The following FER variants were observed in gnomAD, a reference collection of about 807,000 sequenced individuals.
The protein encoded by FER is FER tyrosine kinase.
A neutral mutation model predicts 111.0 loss-of-function variants in FER; 63 were observed. That is an observed-to-expected ratio of 0.57 (90% confidence interval 0.46 to 0.70). The LOEUF (loss-of-function observed/expected upper bound fraction) is 0.70, where lower values mean the gene tolerates loss of function less well. Among genes scored for constraint, FER ranks in the 30% least tolerant of loss-of-function variants. The pLI, the probability that FER is intolerant of heterozygous loss-of-function variation, is 0.00. For synonymous variants in FER, 327 were observed against 313.9 expected, an observed-to-expected ratio of 1.04 and a Z score of -0.44; for missense variants, 914 against 954.0, an observed-to-expected ratio of 0.96 and a Z score of 0.55.
chr5:108,750,058 A>G (rs1285563258), intron 1 of FER, among the ~76,000 whole-genome samples: 1 of 152,194 alleles, frequency 6.6e-6, no homozygotes, highest in Non-Finnish European at 1.5e-5. Context: ...GCGTATATTA[A>G]TGGTTGTCTC....
chr5:108,787,941 G>A (rs1176804382), intron 2 of FER, among the ~76,000 whole-genome samples: 1 of 152,192 alleles, frequency 6.6e-6, no homozygotes, highest in African/African-American at 2.4e-5. Context: ...TGTGGGACAA[G>A]TGCTTGGGAC....
intron 3 of FER, among the ~76,000 whole-genome samples, chr5:108,829,835 CATT>C (rs1341426123): frequency 2.6e-5 from 4 of 151,904 alleles, no homozygotes; most frequent in Non-Finnish European, 5.9e-5. Flanking sequence ...ATTGAGGAGA[CATT>C]ATAAAAAACC....
chr5:109,157,117 C>G (rs1582300295), intron 17 of FER, among the ~76,000 whole-genome samples: 1 of 152,110 alleles, frequency 6.6e-6, no homozygotes, highest in African/African-American at 2.4e-5. Flanking sequence ...ATGCTTGTTA[C>G]ATCATGATGA....
chr5:108,995,127 G>A (rs1763821320), intron 13 of FER, among the ~76,000 whole-genome samples: 1 of 152,028 alleles, frequency 6.6e-6, no homozygotes, highest in Non-Finnish European at 1.5e-5. Flanking sequence ...GATTGCCCTG[G>A]CCAGAACTTC....
intron 8 of FER, among the ~76,000 whole-genome samples, chr5:108,883,115 T>C (rs1481478090): frequency 1.3e-5 from 2 of 152,006 alleles, no homozygotes; most frequent in African/African-American, 4.8e-5. Flanking sequence ...TTTTTCTTTT[T>C]GGTGAATAAG....
intron 10 of FER, chr5:108,924,485 G>C (rs1027206586): frequency 1.3e-4 from 86 of 643,604 alleles, no homozygotes; most frequent in Non-Finnish European, 1.7e-4. Flanking sequence ...GGCTGTATCT[G>C]TTCCTTTAAT....
At chr5:108,757,786 TAAAC>T (rs1291798258) in intron 1 of FER, among the ~76,000 whole-genome samples, 2 of 152,202 alleles carry the variant, frequency 1.3e-5, no homozygotes, top group East Asian at 3.8e-4. Context: ...AATGTTAACA[TAAAC>T]AACAGTGTCC....
intron 9 of FER, among the ~76,000 whole-genome samples, chr5:108,892,102 T>A (rs1489994199): frequency 6.6e-6 from 1 of 152,164 alleles, no homozygotes; most frequent in East Asian, 1.9e-4. Flanking sequence ...TCTTTGCTAT[T>A]GTGAATAGTG....
chr5:109,159,822 A>G (rs531181366), intron 17 of FER, among the ~76,000 whole-genome samples: 130 of 152,340 alleles, frequency 8.5e-4, no homozygotes, highest in African/African-American at 2.8e-3. Context: ...CAGGCCTCTC[A>G]TAGAGGCTCT....
chr5:108,895,139 A>T (rs1025923968), intron 9 of FER, among the ~76,000 whole-genome samples: 14 of 152,200 alleles, frequency 9.2e-5, no homozygotes, highest in African/African-American at 3.1e-4. Context: ...AAGCATAGAG[A>T]TTGGAAACAT....
chr5:108,996,264 A>G (rs867825783), intron 13 of FER, among the ~76,000 whole-genome samples: 1 of 152,050 alleles, frequency 6.6e-6, no homozygotes, highest in South Asian at 2.1e-4. Flanking sequence ...TCTCTAGTTT[A>G]ATTTGATCCC....
intron 2 of FER, chr5:108,785,218 C>T: frequency 1.7e-6 from 1 of 604,428 alleles, no homozygotes; most frequent in South Asian, 1.8e-5. Context: ...CAAATGGATC[C>T]CTCTGTGCAT....
intron 13 of FER, among the ~76,000 whole-genome samples, chr5:109,021,483 A>G (rs1767918923): frequency 6.6e-6 from 1 of 152,030 alleles, no homozygotes. Flanking sequence ...TTCTAACAAC[A>G]TTTGCTAGAG....
intron 16 of FER, among the ~76,000 whole-genome samples, chr5:109,082,317 A>G (rs371192106): frequency 2.0e-5 from 3 of 151,968 alleles, no homozygotes; most frequent in East Asian, 1.9e-4. Flanking sequence ...TTTGTGGAAG[A>G]TCTGTTCCTC....
chr5:108,971,706 CT>C (rs1168689046), intron 13 of FER, among the ~76,000 whole-genome samples: 2 of 152,070 alleles, frequency 1.3e-5, no homozygotes, highest in African/African-American at 4.8e-5. Context: ...CATTTTCCCC[CT>C]ATTTTCAATT....
intron 1 of FER, among the ~76,000 whole-genome samples, chr5:108,758,367 A>T (rs571015234): frequency 1.3e-5 from 2 of 152,356 alleles, no homozygotes; most frequent in African/African-American, 2.4e-5. Flanking sequence ...TTTAATTCTT[A>T]TAACTTTGGG....
At chr5:108,903,310 C>A (rs1037818477) in intron 10 of FER, among the ~76,000 whole-genome samples, 1 of 152,194 alleles carries the variant, frequency 6.6e-6, no homozygotes, top group African/African-American at 2.4e-5. Flanking sequence ...AATTGAGCAG[C>A]AGTATCAGTA....
In FER at chr5:109,146,244, A is replaced by ATATATT. The variant is rs373376729; in HGVS notation, c.2049-34503_2049-34502insTATATT. ...TATATTATCTATCTAATATATATAT[A>ATATATT]ATCTATCTAATATATATATATATAT... On this transcript the variant is annotated intron_variant, in intron 17 of 19. Transcript: ENST00000281092. 9.8e-4 allele frequency among the ~76,000 whole-genome samples: 66 copies of ATATATT among 67,302 alleles called. 6 individuals are homozygous for ATATATT. Among genetic ancestry groups the ATATATT allele is most frequent in the African/African-American group, 2.1e-3 (34 of 15,986 alleles). 44.2% of individuals were successfully genotyped at this position (67,302 alleles called of 152,430 possible).
At chr5:108,934,864 G>A (rs760653083) in intron 10 of FER, among the ~76,000 whole-genome samples, 1 of 151,976 alleles carries the variant, frequency 6.6e-6, no homozygotes, top group Admixed American at 6.6e-5. Context: ...TTTAGTTAGA[G>A]ATAATGTTCT....
Sources: allele counts gnomAD v4.1 joint callset (sites outside exome capture counted in the v4.1 genomes callset), GRCh38; gene constraint gnomAD v4.1.1; transcripts MANE v1.5; gene names NCBI Gene and HGNC (gene_info 2026-07-23, HGNC 2026-07-21).